The following TET1 variants were observed in gnomAD, a reference collection of about 807,000 sequenced individuals.
TET1 encodes the protein tet methylcytosine dioxygenase 1.
A neutral mutation model predicts 148.7 loss-of-function variants in TET1; 13 were observed. That is an observed-to-expected ratio of 0.09 (90% CI 0.06 to 0.14). TET1 has a LOEUF of 0.14. Ranked by LOEUF, TET1 falls within the 10% of genes least tolerant of loss-of-function variation. The pLI, the probability that TET1 is intolerant of heterozygous loss-of-function variation, is 1.00. For missense variants in TET1, 2,182 were observed against 2,553.8 expected (o/e 0.85, Z 3.14); for synonymous variants, 907 against 937.2 (o/e 0.97, Z 0.59).
chr10:68,650,047 T>C (rs7069305), intron 4 of TET1, among the ~76,000 whole-genome samples: 16,297 of 152,194 alleles, frequency 0.11, 1,071 homozygotes, highest in South Asian at 0.18. Flanking sequence ...TGGAATTATG[T>C]TCTAGCAAAA....
Position 68,693,071 on chromosome 10 carries a change from A to G in TET1, c.*1257A>G. 4.4e-6 allele frequency: 1 copy of G among 229,516 alleles called. No homozygotes were observed. The highest frequency in any genetic ancestry group is 8.6e-6 in the Non-Finnish European group (1 of 116,948). 14.2% of individuals were successfully genotyped at this position (229,516 alleles called of 1,614,324 possible). ...GGCTTTGTCCATTAAGAGCTAATTCATTTGTTTATCTTAGCATACTAGATT... is the reference window on the plus strand; with the variant it reads ...GGCTTTGTCCATTAAGAGCTAATTCGTTTGTTTATCTTAGCATACTAGATT... On this transcript the variant is annotated 3_prime_UTR_variant, in exon 12 of 12. Coordinates refer to ENST00000373644, the MANE Select transcript of TET1 (RefSeq NM_030625.3).
chr10:68,652,567 C>T lies in TET1; in HGVS notation c.4434C>T (p.Ser1478=), dbSNP rs1363174223. The change falls in exon 6 of 12, where the codon AGC becomes AGT. Residue 1478 remains serine (S), a synonymous_variant. Transcript: ENST00000373644. ...TGTACACCGGTAAAGAAGGGAAAAG[C>T]TCTCATGGGTGTCCAATTGCTAAGT... ...IVVYTGKEGK[S]SHGCPIAKWV... The T allele has an allele frequency of 1.2e-6, 2 of 1,611,530 alleles. No homozygotes were observed. The highest frequency in any genetic ancestry group is 3.3e-5 in the Admixed American group (2 of 59,802).
chr10:68,631,433 C>CTTTTTTTTTTTTTTTTTTTTTTTT (rs546257824), intron 3 of TET1, among the ~76,000 whole-genome samples: 1 of 110,588 alleles, frequency 9.0e-6, no homozygotes, highest in African/African-American at 3.3e-5. Context: ...TTTCTTTCTT[C>CTTTTTTTTTTTTTTTTTTTTTTTT]TTTTTTTTTT....
intron 3 of TET1, chr10:68,632,853 G>GA (rs1285345364): frequency 5.8e-6 from 3 of 519,942 alleles, no homozygotes; most frequent in African/African-American, 4.1e-5. Context: ...AAAAAAAAAA[G>GA]AAAGAAAACA....
At chr10:68,671,615 T>C (rs1051094854) in intron 7 of TET1, among the ~76,000 whole-genome samples, 5 of 152,294 alleles carry the variant, frequency 3.3e-5, no homozygotes, top group African/African-American at 1.2e-4. Context: ...GAAGAATATA[T>C]GGTACTTTCG....
At chr10:68,575,745 GGC>G (rs2053722116) in intron 2 of TET1, among the ~76,000 whole-genome samples, 1 of 150,884 alleles carries the variant, frequency 6.6e-6, no homozygotes, top group Non-Finnish European at 1.5e-5. Context: ...AAATAGGCCG[GGC>G]GCGGTGGCTC....
chr10:68,639,346 TG>T (rs1435697048), intron 3 of TET1, among the ~76,000 whole-genome samples: 6 of 151,876 alleles, frequency 4.0e-5, no homozygotes, highest in Admixed American at 3.9e-4. Flanking sequence ...CACTTGAAGC[TG>T]GGAGACGGAG....
chr10:68,657,455 C>T (rs1564496132), intron 6 of TET1, among the ~76,000 whole-genome samples: 1 of 152,114 alleles, frequency 6.6e-6, no homozygotes. Context: ...GGATTACAGG[C>T]GTAAGCCACC....
intron 6 of TET1, among the ~76,000 whole-genome samples, chr10:68,664,670 ATT>A (rs398013961): frequency 3.0e-5 from 3 of 99,542 alleles, no homozygotes; most frequent in East Asian, 3.0e-4. Context: ...CCCAGCCTGC[ATT>A]TTTTTTTTTT....
At chr10:68,680,344 G>A (rs142232509) in intron 8 of TET1, among the ~76,000 whole-genome samples, 93 of 152,106 alleles carry the variant, frequency 6.1e-4, no homozygotes, top group African/African-American at 2.1e-3. Context: ...TTCTCTATAC[G>A]TGTTTTTCTT....
rs141055164 is a variant in TET1 at position 68,686,770 on chromosome 10, G to C, written c.5404+63G>C. The C allele has an allele frequency of 4.9e-3, 7,071 of 1,449,070 alleles. 27 individuals carry two copies. Among genetic ancestry groups the C allele is most frequent in the Non-Finnish European group, 6.1e-3 (6,515 of 1,071,802 alleles). 89.8% of individuals were successfully genotyped at this position (1,449,070 alleles called of 1,614,324 possible). On this transcript the variant is annotated intron_variant, in intron 11 of 11. Transcript: ENST00000373644. Reference sequence around the variant, plus strand: ...TGATGGATAGATGTGTTTGGACTTTGCCTTGCCTTATTTGTTTAGAGTTAA... The same window carrying C: ...TGATGGATAGATGTGTTTGGACTTTCCCTTGCCTTATTTGTTTAGAGTTAA...
intron 3 of TET1, among the ~76,000 whole-genome samples, chr10:68,629,040 G>A (rs957664796): frequency 6.6e-6 from 1 of 152,100 alleles, no homozygotes; most frequent in East Asian, 1.9e-4. Context: ...CATCGTTTTG[G>A]TATCCCTGCA....
In TET1 at chr10:68,644,972, C is replaced by T; in HGVS notation, c.2243C>T (p.Ser748Phe). The change falls in exon 4 of 12, where the codon TCT (serine) becomes TTT (phenylalanine). Residue 748 changes from serine to phenylalanine, a missense_variant. By Grantham distance (155) the Ser-to-Phe change is radical. Transcript: ENST00000373644. ...GAAGTTGACAAGAAACGAACCAAATCTCCAAAATTGTTTGTACAAACCGTA... is the reference window on the plus strand; with the variant it reads ...GAAGTTGACAAGAAACGAACCAAATTTCCAAAATTGTTTGTACAAACCGTA... ...NSEVDKKRTKSPKLFVQTVRN... is the reference protein window; with the variant it reads ...NSEVDKKRTKFPKLFVQTVRN... 6.2e-7 allele frequency: 1 copy of T among 1,613,574 alleles called. No individual in the cohort carries two copies. Among genetic ancestry groups the T allele is most frequent in the Non-Finnish European group, 8.5e-7 (1 of 1,179,784 alleles).
At chr10:68,652,870 T>TA (rs2054959938) in intron 6 of TET1, among the ~76,000 whole-genome samples, 1 of 137,972 alleles carries the variant, frequency 7.2e-6, no homozygotes, top group Admixed American at 7.3e-5. Context: ...TTTTTTTTTT[T>TA]AGTGGAGAGC....
At chr10:68,655,592 C>T (rs1486575768) in intron 6 of TET1, among the ~76,000 whole-genome samples, 1 of 152,132 alleles carries the variant, frequency 6.6e-6, no homozygotes, top group Non-Finnish European at 1.5e-5. Context: ...TTTTTCCTCT[C>T]TTTAAAACCT....
At chr10:68,652,372 A>G (rs1221499768) in intron 5 of TET1, 129 bp from the exon 6 acceptor site, 8 of 539,562 alleles carry the variant, frequency 1.5e-5, no homozygotes, top group Non-Finnish European at 2.2e-5. Context: ...AGAGTAAATT[A>G]CGAAGAGTGT....
At chr10:68,668,523 T>C (rs1164216211) in intron 7 of TET1, among the ~76,000 whole-genome samples, 1 of 152,254 alleles carries the variant, frequency 6.6e-6, no homozygotes, top group Non-Finnish European at 1.5e-5. Context: ...AAATCTCTCA[T>C]ACATTTAATG....
rs569237249 is a variant in TET1, at chr10:68,638,432, G to A, written c.1969-6266G>A. Among the ~76,000 whole-genome samples, 7 of 152,270 alleles carry A rather than the reference G, an allele frequency of 4.6e-5. No homozygotes were observed. In the South Asian group the frequency reaches 1.5e-3, roughly 32 times the overall value. ...TACTTTATGCATTCTCAAGAGAAATGAAAATTGGATGTTGGTGAGTGGAGG... is the reference window on the plus strand; with the variant it reads ...TACTTTATGCATTCTCAAGAGAAATAAAAATTGGATGTTGGTGAGTGGAGG... On this transcript the variant is annotated intron_variant, in intron 3 of 11. Transcript: ENST00000373644.
Position 68,690,925 on chromosome 10 carries a change from T to C in TET1, c.5522T>C (p.Val1841Ala), listed in dbSNP as rs1564513462. 1 of 1,614,068 alleles carries C rather than the reference T, an allele frequency of 6.2e-7. No individual in the cohort carries two copies. The highest frequency in any genetic ancestry group is 8.5e-7 in the Non-Finnish European group (1 of 1,180,044). ...YSLMPSAPHPVKEASPGFSWS... is the reference protein window; with the variant it reads ...YSLMPSAPHPAKEASPGFSWS... ...CTGATGCCATCCGCTCCTCACCCAG[T>C]GAAAGAGGCATCTCCAGGCTTCTCC... Residue 1841 changes from valine to alanine, a missense_variant, in exon 12 of 12, where the codon GTG becomes GCG. Transcript: ENST00000373644.
Sources: gnomAD v4.1 joint callset for allele counts (sites outside exome capture counted in the v4.1 genomes callset) on GRCh38, gnomAD v4.1.1 for gene constraint, MANE v1.5 for transcripts, NCBI Gene and HGNC (gene_info 2026-07-23, HGNC 2026-07-21) for gene names.